Variants in SLC25A16 observed in about 807,000 individuals in gnomAD.
SLC25A16 encodes the protein solute carrier family 25 member 16.
A neutral mutation model predicts 41.5 loss-of-function variants in SLC25A16; 39 were observed. The ratio of observed to expected loss-of-function variants is 0.94; its 90% CI spans 0.73 to 1.23. The LOEUF is 1.23. Ranked by LOEUF, SLC25A16 falls within the 50% of genes most tolerant of loss-of-function variation. SLC25A16 has a pLI of 0.00. For missense variants in SLC25A16, 421 were observed against 426.9 expected, an observed-to-expected ratio of 0.99 and a Z score of 0.12; for synonymous variants, 146 against 147.8, an observed-to-expected ratio of 0.99 and a Z score of 0.09.
At chr10:68,485,566 A>T (rs952643181) in intron 8 of SLC25A16, among the ~76,000 whole-genome samples, 1 of 149,938 alleles carries the variant, frequency 6.7e-6, no homozygotes, top group African/African-American at 2.5e-5. Flanking sequence ...TTGTATTTTT[A>T]GTAGAGACAG....
intron 1 of SLC25A16, chr10:68,517,794 C>A (rs1300890277): frequency 6.6e-6 from 1 of 151,816 alleles, no homozygotes; most frequent in African/African-American, 2.4e-5. Flanking sequence ...CATGGTGAAA[C>A]CCCGTCTCTA....
At chr10:68,526,065 A>C (rs151289605) in intron 1 of SLC25A16, among the ~76,000 whole-genome samples, 9,074 of 150,378 alleles carry the variant, frequency 0.06, 368 homozygotes, top group African/African-American at 0.11. Context: ...AAAGACCTGA[A>C]CGTCCCCCAG....
intron 3 of SLC25A16, among the ~76,000 whole-genome samples, chr10:68,505,917 C>T (rs2052945427): frequency 6.6e-6 from 1 of 151,876 alleles, no homozygotes; most frequent in African/African-American, 2.4e-5. Context: ...CCTGTAATTC[C>T]AGCTACTCAG....
intron 6 of SLC25A16, 89 bp from the exon 7 acceptor site, chr10:68,488,718 T>G (rs2052606889): frequency 1.9e-6 from 2 of 1,059,150 alleles, no homozygotes; most frequent in Non-Finnish European, 2.7e-6. Context: ...ACACATTTCC[T>G]AATTTCTGGT....
chr10:68,499,285 G>A lies in SLC25A16; in HGVS notation c.421+4347C>T, dbSNP rs781766978. On this transcript the variant is annotated intron_variant, in intron 4 of 8. Transcript: ENST00000609923. ...CCACTCAATCACCAAGCTTTGGACC[G>A]GAACAGCAAGTAGGAGCAGACCAAA... 4.2e-4 allele frequency among the ~76,000 whole-genome samples: 64 copies of A among 152,194 alleles called. 1 individual carries two copies. The highest frequency in any genetic ancestry group is 6.8e-4 in the Non-Finnish European group (46 of 68,036).
chr10:68,526,456 T>A (rs2053339121), intron 1 of SLC25A16, among the ~76,000 whole-genome samples: 1 of 152,152 alleles, frequency 6.6e-6, no homozygotes, highest in Non-Finnish European at 1.5e-5. Context: ...CACCCACAAA[T>A]GATCAATAAA....
chr10:68,504,528 T>C (rs6480335), intron 3 of SLC25A16, among the ~76,000 whole-genome samples: 150,098 of 151,016 alleles, frequency 0.99, 74,599 homozygotes, highest in Middle Eastern at 1. Context: ...CTCCGCCTCC[T>C]GGGTTCACAC....
chr10:68,509,603 T>A lies in SLC25A16; in HGVS notation c.224-2885A>T, dbSNP rs369088416. On this transcript the variant is annotated intron_variant, in intron 2 of 8. Coordinates refer to ENST00000609923, the MANE Select transcript of SLC25A16 (RefSeq NM_152707.4). ...TGGTGGCGCTCGCAATTCAGGAGGC[T>A]GAGGCAGGAAGATTGCTTGGGCCCA... is the stretch of plus-strand genomic sequence containing the variant. Among the ~76,000 whole-genome samples, 41 of 151,204 alleles carry A rather than the reference T, an allele frequency of 2.7e-4. 1 individual carries two copies. In the East Asian group the frequency reaches 6.6e-3, roughly 24 times the overall value.
intron 1 of SLC25A16, among the ~76,000 whole-genome samples, chr10:68,520,755 T>G (rs2053237104): frequency 6.8e-6 from 1 of 146,178 alleles, no homozygotes; most frequent in East Asian, 2.0e-4. Flanking sequence ...GAGGTTGCAG[T>G]GATTCACAAT....
intron 8 of SLC25A16, among the ~76,000 whole-genome samples, chr10:68,485,829 A>C (rs1182154821): frequency 8.4e-6 from 1 of 119,656 alleles, no homozygotes; most frequent in African/African-American, 3.3e-5. Flanking sequence ...ATGGAGTCTC[A>C]CTCTATCGCC....
Position 68,483,570 on chromosome 10 carries a change from C to T in SLC25A16, c.861G>A (p.Met287Ile), listed in dbSNP as rs1210859363. 5 of 1,607,732 alleles carry T rather than the reference C, an allele frequency of 3.1e-6. No homozygotes were observed. Among genetic ancestry groups the T allele is most frequent in the Non-Finnish European group, 4.2e-6 (5 of 1,177,284 alleles). ...FEKCLTMRDT[M>I]KYVYGHHGIR... is the part of the protein sequence containing the mutation. ...TTCCATGGTGTCCATAGACATACTT[C>T]ATAGTATCCCGCATGGTACTGAAAG... is the stretch of plus-strand genomic sequence containing the variant. Residue 287 changes from methionine (M) to isoleucine (I), a missense_variant, in exon 9 of 9, where the codon ATG becomes ATA. Transcript: ENST00000609923.
rs1163431016 is a variant in SLC25A16, at chr10:68,512,638, CAAAAAAAAAAAA to C, written c.223+4101_223+4112del. Among the ~76,000 whole-genome samples the C allele has an allele frequency of 6.4e-4, 11 of 17,142 alleles. 2 individuals are homozygous for C. The highest frequency in any genetic ancestry group is 5.6e-3 in the South Asian group (2 of 354). 11.2% of individuals were successfully genotyped at this position (17,142 alleles called of 152,430 possible). A position where few individuals can be genotyped will look rare whatever the true frequency, so the allele number is the denominator to read the frequency against. On this transcript the variant is annotated intron_variant, in intron 2 of 8. Transcript: ENST00000609923. ...TGGGCAACAGAGCGAGACTCCGTCT[CAAAAAAAAAAAA>C]AAAAAAAAAAAAAAGATAAATGATA...
intron 4 of SLC25A16, among the ~76,000 whole-genome samples, chr10:68,493,947 T>A (rs2052705776): frequency 6.6e-6 from 1 of 152,170 alleles, no homozygotes; most frequent in African/African-American, 2.4e-5. Context: ...CATCCATGGA[T>A]TGAAGCAACC....
At chr10:68,486,232 A>AG (rs1491231626) in intron 8 of SLC25A16, among the ~76,000 whole-genome samples, 1 of 113,424 alleles carries the variant, frequency 8.8e-6, no homozygotes, top group Non-Finnish European at 1.9e-5. Flanking sequence ...AAAACAAAAC[A>AG]AAAAAAAAAA....
At position 68,492,910 on chromosome 10, in the gene SLC25A16, C is replaced by T. The variant is rs2052683857; in HGVS notation, c.610+222G>A. ...ACGTAAGTGTGTGTTAACAAGACTA[C>T]AGCTGGCTCAGATATTAAGAAAAAG... On this transcript the variant is annotated intron_variant, in intron 6 of 8. Transcript: ENST00000609923. Among the ~76,000 whole-genome samples the T allele has an allele frequency of 1.3e-5, 2 of 151,938 alleles. 1 individual carries two copies. Among genetic ancestry groups the T allele is most frequent in the South Asian group, 4.1e-4 (2 of 4,820 alleles).
chr10:68,518,819 TAAATAAATA>T (rs1174838793), intron 1 of SLC25A16, among the ~76,000 whole-genome samples: 1 of 151,238 alleles, frequency 6.6e-6, no homozygotes, highest in African/African-American at 2.4e-5. Flanking sequence ...ATTAAATAAA[TAAATAAATA>T]AAATGTATTT....
chr10:68,497,901 T>C (rs9804369), intron 4 of SLC25A16, among the ~76,000 whole-genome samples: 12,413 of 152,108 alleles, frequency 0.082, 781 homozygotes, highest in African/African-American at 0.17. Context: ...CCCACCGTAC[T>C]CTGCCTTTAT....
chr10:68,490,428 C>T (rs1003644441), intron 6 of SLC25A16, among the ~76,000 whole-genome samples: 3 of 151,922 alleles, frequency 2.0e-5, no homozygotes, highest in Admixed American at 1.3e-4. Context: ...CTGCAGCCTC[C>T]GCCTCCTGGG....
rs923395740 is a variant in SLC25A16, at chr10:68,516,913, T to G, written c.131-70A>C. ...TTTCCAGATGGAAATCATTAGTTGT[T>G]CAGCCAGCAAACCCTCTAATCTCTA... On this transcript the variant is annotated intron_variant, in intron 1 of 8. Transcript: ENST00000609923. The G allele has an allele frequency of 2.3e-6, 3 of 1,295,176 alleles. No individual in the cohort carries two copies. In the African/African-American group the frequency reaches 4.4e-5, roughly 19 times the overall value. 80.2% of individuals were successfully genotyped at this position (1,295,176 alleles called of 1,614,324 possible).
Sources: gnomAD v4.1 joint callset for allele counts (sites outside exome capture counted in the v4.1 genomes callset) on GRCh38, gnomAD v4.1.1 for gene constraint, MANE v1.5 for transcripts, NCBI Gene and HGNC (gene_info 2026-07-23, HGNC 2026-07-21) for gene names.